The following PDE1C variants were observed in gnomAD, a reference collection of about 807,000 sequenced individuals.
PDE1C encodes the protein dual specificity calcium/calmodulin-dependent 3',5'-cyclic nucleotide phosphodiesterase 1C.
In PDE1C, 62 loss-of-function variants were observed where a neutral mutation model predicts 93.1. That is an observed-to-expected ratio of 0.67 (90% confidence interval 0.54 to 0.82). The LOEUF is 0.82. Ranked by LOEUF, PDE1C falls within the 40% of genes least tolerant of loss-of-function variation. PDE1C has a pLI of 0.00. For synonymous variants in PDE1C, 325 were observed against 310.1 expected (o/e 1.05, Z -0.50); for missense variants, 742 against 884.6 (o/e 0.84, Z 2.04).
At chr7:32,269,899 G>A (rs937805934) in intron 1 of PDE1C, among the ~76,000 whole-genome samples, 3 of 152,076 alleles carry the variant, frequency 2.0e-5, no homozygotes, top group East Asian at 1.9e-4. Context: ...TCAACCTCCC[G>A]AGTAGCTAGG....
intron 1 of PDE1C, among the ~76,000 whole-genome samples, chr7:32,285,672 A>T (rs947959643): frequency 1.3e-5 from 2 of 149,614 alleles, no homozygotes; most frequent in African/African-American, 2.4e-5. Context: ...GAAAAGGAAC[A>T]GGAAGGAAGG....
At chr7:32,084,573 C>A (rs1197606923) in intron 3 of PDE1C, among the ~76,000 whole-genome samples, 1 of 151,880 alleles carries the variant, frequency 6.6e-6, no homozygotes, top group East Asian at 1.9e-4. Flanking sequence ...CACACCACAC[C>A]TATTCCAAAA....
the PDE1C span, among the ~76,000 whole-genome samples, chr7:31,644,925 C>A: frequency 1.3e-5 from 2 of 152,198 alleles, no homozygotes; most frequent in Non-Finnish European, 2.9e-5. Context: ...TTCCCATTCT[C>A]TTAATTCCAC....
At chr7:32,405,049 C>G (rs1411473129) in intron 1 of PDE1C, among the ~76,000 whole-genome samples, 1 of 152,052 alleles carries the variant, frequency 6.6e-6, no homozygotes, top group Non-Finnish European at 1.5e-5. Flanking sequence ...AGGATCCAGC[C>G]CTCCAGCAAG....
At chr7:32,284,860 G>A (rs188715303) in intron 1 of PDE1C, among the ~76,000 whole-genome samples, 18 of 152,070 alleles carry the variant, frequency 1.2e-4, no homozygotes, top group African/African-American at 2.9e-4. Context: ...GGTGAAACCC[G>A]TCTCTACAAA....
chr7:32,190,387 T>C (rs1804153147), intron 2 of PDE1C, among the ~76,000 whole-genome samples: 1 of 152,214 alleles, frequency 6.6e-6, no homozygotes, highest in African/African-American at 2.4e-5. Context: ...ACCTCCTTGG[T>C]CTACCTGCCT....
At chr7:31,926,186 T>C (rs1374080885) in intron 2 of PDE1C, among the ~76,000 whole-genome samples, 1 of 152,204 alleles carries the variant, frequency 6.6e-6, no homozygotes, top group Non-Finnish European at 1.5e-5. Context: ...CTGGTATTCA[T>C]GTATTTTTCA....
chr7:32,235,175 C>T (rs1383168259), intron 1 of PDE1C, among the ~76,000 whole-genome samples: 3 of 151,764 alleles, frequency 2.0e-5, no homozygotes, highest in Non-Finnish European at 3.0e-5. Flanking sequence ...ACAATGTTTT[C>T]CCTTATTCCC....
intron 2 of PDE1C, among the ~76,000 whole-genome samples, chr7:31,998,204 A>G (rs554605175): frequency 7.9e-5 from 12 of 152,056 alleles, no homozygotes; most frequent in African/African-American, 2.9e-4. Context: ...TATTTTTAGT[A>G]GAGACAGGGT....
chr7:32,390,615 G>A (rs1777814816), intron 1 of PDE1C, among the ~76,000 whole-genome samples: 1 of 151,142 alleles, frequency 6.6e-6, no homozygotes, highest in African/African-American at 2.4e-5. Flanking sequence ...AGGAGGCCAA[G>A]GCAGGAGGAT....
At chr7:31,711,702 G>A in the PDE1C span, among the ~76,000 whole-genome samples, 3 of 152,108 alleles carry the variant, frequency 2.0e-5, no homozygotes, top group Non-Finnish European at 4.4e-5. Context: ...ACGTTTTAAG[G>A]AGGTGATAAG....
chr7:32,231,723 T>C (rs1807702751), intron 1 of PDE1C, among the ~76,000 whole-genome samples: 1 of 152,152 alleles, frequency 6.6e-6, no homozygotes, highest in African/African-American at 2.4e-5. Context: ...TGAAATAATA[T>C]TAAATAAAAT....
chr7:32,098,934 G>T (rs1345856959), intron 3 of PDE1C, among the ~76,000 whole-genome samples: 1 of 152,232 alleles, frequency 6.6e-6, no homozygotes, highest in Non-Finnish European at 1.5e-5. Context: ...TTCTGAAGAT[G>T]GATAGAGGTG....
the PDE1C span, among the ~76,000 whole-genome samples, chr7:31,731,495 A>C: frequency 6.6e-6 from 1 of 152,046 alleles, no homozygotes; most frequent in Non-Finnish European, 1.5e-5. Context: ...GGTTCAAATG[A>C]TTCTCCTGCC....
intron 14 of PDE1C, among the ~76,000 whole-genome samples, chr7:31,818,883 A>G (rs1788604187): frequency 6.6e-6 from 1 of 152,170 alleles, no homozygotes. Flanking sequence ...CTGGTTTGCT[A>G]TAAGAGAGTA....
chr7:31,916,705 C>T (rs1351519493), intron 2 of PDE1C, among the ~76,000 whole-genome samples: 3 of 152,136 alleles, frequency 2.0e-5, no homozygotes, highest in Non-Finnish European at 4.4e-5. Context: ...TCAAACAAAC[C>T]GCATTGGCTC....
intron 2 of PDE1C, among the ~76,000 whole-genome samples, chr7:31,959,513 C>T (rs986350807): frequency 2.0e-5 from 3 of 152,058 alleles, no homozygotes; most frequent in Non-Finnish European, 4.4e-5. Context: ...TGCATCAGTC[C>T]TAATTTTGGT....
intron 2 of PDE1C, among the ~76,000 whole-genome samples, chr7:32,002,272 C>T (rs953848815): frequency 2.0e-5 from 3 of 152,062 alleles, no homozygotes; most frequent in African/African-American, 4.8e-5. Flanking sequence ...AAACATGAAG[C>T]GAGTAAAAAA....
chr7:32,399,161 T>C (rs1784896374), intron 1 of PDE1C, among the ~76,000 whole-genome samples: 2 of 152,286 alleles, frequency 1.3e-5, no homozygotes, highest in South Asian at 4.2e-4. Context: ...TGTGCTCAGT[T>C]GGTTCTCATA....
Sources: allele counts gnomAD v4.1 joint callset (sites outside exome capture counted in the v4.1 genomes callset), GRCh38; gene constraint gnomAD v4.1.1; transcripts MANE v1.5; gene names NCBI Gene and HGNC (gene_info 2026-07-23, HGNC 2026-07-21).